The following ZNF652 variants were observed in gnomAD, a reference collection of about 807,000 sequenced individuals.
ZNF652 encodes zinc finger protein 652.
In ZNF652, 16 loss-of-function variants were observed where a neutral mutation model predicts 45.2. The observed-to-expected ratio is 0.35, with a 90% CI of 0.24 to 0.54. The LOEUF is 0.54. ZNF652 is among the 20% of genes least tolerant of loss of function. The probability of loss-of-function intolerance (pLI) is 0.91; values close to 1 mark genes in which losing one functional copy is unlikely to be tolerated. For missense variants in ZNF652, 614 were observed against 765.6 expected, an observed-to-expected ratio of 0.80 and a Z score of 2.34; for synonymous variants, 250 against 260.6, an observed-to-expected ratio of 0.96 and a Z score of 0.39.
At chr17:49,303,867 C>T (rs2069588743) in intron 5 of ZNF652, among the ~76,000 whole-genome samples, 1 of 151,102 alleles carries the variant, frequency 6.6e-6, no homozygotes, top group African/African-American at 2.4e-5. Context: ...CCTCTCTAAT[C>T]ATCTCTCATT....
At position 49,348,494 on chromosome 17, in the gene ZNF652, G is replaced by GAAAAGAAAAGAAAAGAA. The variant is rs1391761083; in HGVS notation, c.-259+13398_-259+13414dup. On this transcript the variant is annotated intron_variant, in intron 1 of 5. Coordinates refer to ENST00000430262, the MANE Select transcript of ZNF652 (RefSeq NM_001145365.3). ...CCTTGCCTCAAAAAAGAAAAGAAAA[G>GAAAAGAAAAGAAAAGAA]AAAAGAAAAGAAAAGAAAAGAAAAG... 8.6e-3 allele frequency among the ~76,000 whole-genome samples: 905 copies of GAAAAGAAAAGAAAAGAA among 105,152 alleles called. 18 individuals are homozygous for GAAAAGAAAAGAAAAGAA. The highest frequency in any genetic ancestry group is 0.031 in the Middle Eastern group (6 of 196). 69.0% of individuals were successfully genotyped at this position (105,152 alleles called of 152,430 possible). A position where few individuals can be genotyped will look rare whatever the true frequency, so the allele number is the denominator to read the frequency against.
rs536701990 is a variant in ZNF652 at position 49,299,463 on chromosome 17, C to T, written c.1310-539G>A. 1.6e-4 allele frequency among the ~76,000 whole-genome samples: 24 copies of T among 152,266 alleles called. 1 individual carries two copies. The East Asian group carries it at 4.0e-3, about 26-fold the overall frequency. On this transcript the variant is annotated intron_variant, in intron 5 of 5. Transcript: ENST00000430262. ...TGGTGCAATCTTGGCTCACTGCAAC[C>T]TCCACCTCCCGGGTTCTAATGATTC...
chr17:49,329,533 C>A (rs185411516), intron 1 of ZNF652, among the ~76,000 whole-genome samples: 9 of 152,268 alleles, frequency 5.9e-5, no homozygotes, highest in Non-Finnish European at 1.3e-4. Flanking sequence ...ACAAGCTGTT[C>A]TCAGATGCAT....
rs769376965 is a variant in ZNF652 at position 49,347,738 on chromosome 17, TTG to T, written c.-259+14169_-259+14170del. ...CTGCAAGAAAAATTGAACCTTGGTT[TTG>T]TTTTTTTTTTTTTTTTTTTTTTTGA... On this transcript the variant is annotated intron_variant, in intron 1 of 5. Coordinates refer to ENST00000430262, the MANE Select transcript of ZNF652 (RefSeq NM_001145365.3). 7.8e-4 allele frequency among the ~76,000 whole-genome samples: 19 copies of T among 24,234 alleles called. 1 individual carries two copies. Among genetic ancestry groups the T allele is most frequent in the East Asian group, 1.4e-3 (1 of 724 alleles). 15.9% of individuals were successfully genotyped at this position (24,234 alleles called of 152,430 possible).
intron 5 of ZNF652, among the ~76,000 whole-genome samples, chr17:49,309,183 T>C (rs951277840): frequency 6.6e-6 from 1 of 151,790 alleles, no homozygotes; most frequent in African/African-American, 2.4e-5. Context: ...TGACACAACT[T>C]CCGCCTTCAC....
intron 1 of ZNF652, among the ~76,000 whole-genome samples, chr17:49,353,424 C>T (rs1292173715): frequency 6.6e-6 from 1 of 152,140 alleles, no homozygotes; most frequent in Non-Finnish European, 1.5e-5. Flanking sequence ...TCCGCCTCAG[C>T]TTCCCGAAGT....
intron 5 of ZNF652, among the ~76,000 whole-genome samples, chr17:49,304,927 T>C (rs955375757): frequency 2.6e-5 from 4 of 151,866 alleles, no homozygotes; most frequent in South Asian, 2.1e-4. Context: ...CACACACACA[T>C]ACCTACATAT....
intron 1 of ZNF652, among the ~76,000 whole-genome samples, chr17:49,340,373 T>A (rs946764023): frequency 6.6e-6 from 1 of 151,860 alleles, no homozygotes; most frequent in African/African-American, 2.4e-5. Context: ...CTGGCCAACA[T>A]GGCGAAACCT....
At chr17:49,325,224 C>T (rs892890444) in intron 1 of ZNF652, among the ~76,000 whole-genome samples, 3 of 152,084 alleles carry the variant, frequency 2.0e-5, no homozygotes, top group Non-Finnish European at 2.9e-5. Context: ...CTTCACTTGA[C>T]CACTGAGAGG....
chr17:49,338,056 T>A (rs2070104789), intron 1 of ZNF652, among the ~76,000 whole-genome samples: 1 of 152,088 alleles, frequency 6.6e-6, no homozygotes, highest in African/African-American at 2.4e-5. Context: ...GGCGCGATCA[T>A]GACTCACTTC....
At chr17:49,312,906 T>G (rs761097687) in intron 2 of ZNF652, 61 bp from the exon 3 acceptor site, 29 of 1,542,618 alleles carry the variant, frequency 1.9e-5, no homozygotes, top group Middle Eastern at 1.7e-4. Flanking sequence ...ACCAGCCTAC[T>G]GGCAGACCAA....
In ZNF652 at chr17:49,299,847, C is replaced by CT. The variant is rs562495965; in HGVS notation, c.1310-924dup. Among the ~76,000 whole-genome samples, 386 of 135,414 alleles carry CT rather than the reference C, an allele frequency of 2.9e-3. 2 individuals are homozygous for CT. Among genetic ancestry groups the CT allele is most frequent in the Middle Eastern group, 0.016 (4 of 248 alleles). 88.8% of individuals were successfully genotyped at this position (135,414 alleles called of 152,430 possible). On this transcript the variant is annotated intron_variant, in intron 5 of 5. Coordinates refer to ENST00000430262, the MANE Select transcript of ZNF652 (RefSeq NM_001145365.3). ...GGTGCCAGCTACCACGCCTGGCTATCTTTTTTTTTTTTTTTTTCTGTAGAG... is the reference window on the plus strand; with the variant it reads ...GGTGCCAGCTACCACGCCTGGCTATCTTTTTTTTTTTTTTTTTTCTGTAGAG...
rs1288616518 is a variant in ZNF652 at position 49,297,307 on chromosome 17, TC to T, written c.*1105del. The T allele has an allele frequency of 6.6e-6, 1 of 152,632 alleles. No homozygotes were observed. The highest frequency in any genetic ancestry group is 2.4e-5 in the African/African-American group (1 of 41,454). The allele number at this position is 152,632 out of a possible 1,614,324, so 9.5% of individuals were successfully genotyped here. A position where few individuals can be genotyped will look rare whatever the true frequency, so the allele number is the denominator to read the frequency against. ...CATAAAAGTTAAACATCAACACAAT[TC>T]CTAAGGGAAGTGAGAAACAGACGTG... On this transcript the variant is annotated 3_prime_UTR_variant, in exon 6 of 6. Transcript: ENST00000430262.
intron 1 of ZNF652, among the ~76,000 whole-genome samples, chr17:49,341,215 CAAAAA>C (rs1335129416): frequency 1.3e-5 from 2 of 149,618 alleles, no homozygotes; most frequent in Non-Finnish European, 3.0e-5. Context: ...GAGACTGTCT[CAAAAA>C]GAAAAGAAAA....
intron 5 of ZNF652, among the ~76,000 whole-genome samples, chr17:49,299,842 GCTAT>G (rs1456683459): frequency 6.7e-6 from 1 of 150,348 alleles, no homozygotes; most frequent in East Asian, 1.9e-4. Context: ...ACCACGCCTG[GCTAT>G]CTTTTTTTTT....
intron 5 of ZNF652, among the ~76,000 whole-genome samples, chr17:49,299,301 T>C (rs1167999216): frequency 6.6e-6 from 1 of 152,206 alleles, no homozygotes; most frequent in African/African-American, 2.4e-5. Flanking sequence ...ACAGTTCAAA[T>C]GGCTTTCTGT....
intron 1 of ZNF652, among the ~76,000 whole-genome samples, chr17:49,320,665 A>G (rs747599972): frequency 3.3e-5 from 5 of 152,260 alleles, no homozygotes; most frequent in Non-Finnish European, 5.9e-5. Context: ...AACAATGTGA[A>G]CTACTATGAG....
rs370918183 is a variant in ZNF652, at chr17:49,311,558, A to G, written c.1165-102T>C. ...ATACTAGGCTTATTTTTCATATTCAAAATAGAACCTGCTTGTGTCAGCTAT... is the reference window on the plus strand; with the variant it reads ...ATACTAGGCTTATTTTTCATATTCAGAATAGAACCTGCTTGTGTCAGCTAT... On this transcript the variant is annotated intron_variant, in intron 4 of 5. Coordinates refer to ENST00000430262, the MANE Select transcript of ZNF652 (RefSeq NM_001145365.3). The G allele has an allele frequency of 6.5e-5, 82 of 1,265,016 alleles. No homozygotes were observed. In the East Asian group the frequency reaches 1.0e-3, roughly 15 times the overall value. 78.4% of individuals were successfully genotyped at this position (1,265,016 alleles called of 1,614,324 possible).
chr17:49,332,371 T>C (rs1477213008), intron 1 of ZNF652, among the ~76,000 whole-genome samples: 1 of 152,252 alleles, frequency 6.6e-6, no homozygotes, highest in African/African-American at 2.4e-5. Context: ...TAGGAAGTTT[T>C]AACCCAAACA....
Sources: allele counts gnomAD v4.1 joint callset (sites outside exome capture counted in the v4.1 genomes callset), GRCh38; gene constraint gnomAD v4.1.1; transcripts MANE v1.5; gene names NCBI Gene and HGNC (gene_info 2026-07-23, HGNC 2026-07-21).